CDK14: variants seen among roughly 807,000 people sequenced by gnomAD.
CDK14 encodes the protein cyclin dependent kinase 14.
A neutral mutation model predicts 60.7 loss-of-function variants in CDK14; 34 were observed. That is an observed-to-expected ratio of 0.56 (90% CI 0.43 to 0.75). CDK14 has a LOEUF of 0.75. Among genes scored for constraint, CDK14 ranks in the 30% least tolerant of loss-of-function variants. The probability of loss-of-function intolerance (pLI) is 0.00; values close to 1 mark genes in which losing one functional copy is unlikely to be tolerated. For missense variants in CDK14, 482 were observed against 564.1 expected (o/e 0.85, Z 1.47); for synonymous variants, 197 against 203.7 (o/e 0.97, Z 0.28).
Position 90,649,313 on chromosome 7 carries a change from C to CTTTCTTTCT in CDK14, c.123+45066_123+45067insTCTTTCTTT, listed in dbSNP as rs1563029806. Among the ~76,000 whole-genome samples, 3 of 35,632 alleles carry CTTTCTTTCT rather than the reference C, an allele frequency of 8.4e-5. 1 individual carries two copies. The highest frequency in any genetic ancestry group is 2.7e-4 in the African/African-American group (2 of 7,526). 23.4% of individuals were successfully genotyped at this position (35,632 alleles called of 152,430 possible). A position where few individuals can be genotyped will look rare whatever the true frequency, so the allele number is the denominator to read the frequency against. ...CTTTCTTTCTTTCTTTCTTTCTTTC[C>CTTTCTTTCT]TTCCTTCCTTCCTTCCTTCCTTCCT... On this transcript the variant is annotated intron_variant, in intron 2 of 14. Transcript: ENST00000380050.
intron 5 of CDK14, among the ~76,000 whole-genome samples, chr7:90,804,080 A>G (rs1460768668): frequency 6.6e-6 from 1 of 152,224 alleles, no homozygotes; most frequent in African/African-American, 2.4e-5. Flanking sequence ...AGAAACCCAT[A>G]TGATGAAAAT....
chr7:90,980,508 GA>G, intron 9 of CDK14, among the ~76,000 whole-genome samples: 1 of 152,188 alleles, frequency 6.6e-6, no homozygotes, highest in South Asian at 2.1e-4. Context: ...GAGGTGGGGG[GA>G]AAGCAGACAC....
intron 8 of CDK14, among the ~76,000 whole-genome samples, chr7:90,938,778 T>C (rs1252363126): frequency 6.6e-6 from 1 of 152,206 alleles, no homozygotes; most frequent in East Asian, 1.9e-4. Context: ...GGATATCTTT[T>C]AAAAATTCCA....
chr7:91,097,614 ATATAGCC>A (rs1799033411), intron 12 of CDK14, among the ~76,000 whole-genome samples: 1 of 152,146 alleles, frequency 6.6e-6, no homozygotes, highest in African/African-American at 2.4e-5. Flanking sequence ...CAAGCTATAA[ATATAGCC>A]TATAGATGGA....
intron 4 of CDK14, among the ~76,000 whole-genome samples, chr7:90,757,204 C>T (rs985655557): frequency 3.3e-5 from 4 of 122,006 alleles, no homozygotes; most frequent in Middle Eastern, 4.0e-3. Context: ...ACATGGCATT[C>T]TTCCAGTGTG....
intron 2 of CDK14, among the ~76,000 whole-genome samples, chr7:90,630,888 ATGTGTGTGTGTG>A (rs55859300): frequency 1.3e-5 from 2 of 148,364 alleles, no homozygotes; most frequent in Non-Finnish European, 3.0e-5. Context: ...TGGGGTGTGT[ATGTGTGTGTGTG>A]TGTGTGTGTG....
At chr7:90,886,762 A>G (rs1351059451) in intron 6 of CDK14, among the ~76,000 whole-genome samples, 1 of 152,218 alleles carries the variant, frequency 6.6e-6, no homozygotes, top group African/African-American at 2.4e-5. Context: ...CAAATATATC[A>G]GGGTCCTGAG....
chr7:90,924,968 A>C (rs1048277894), intron 8 of CDK14, among the ~76,000 whole-genome samples: 7 of 152,206 alleles, frequency 4.6e-5, no homozygotes, highest in African/African-American at 1.7e-4. Flanking sequence ...AAAGCACTGG[A>C]AAATTAAAAA....
chr7:90,705,390 T>C (rs1801875532), intron 2 of CDK14, among the ~76,000 whole-genome samples: 1 of 152,078 alleles, frequency 6.6e-6, no homozygotes, highest in East Asian at 1.9e-4. Flanking sequence ...ATCCCTTTCT[T>C]CAGTTCTTTT....
At chr7:90,728,211 G>T (rs527324599) in intron 3 of CDK14, among the ~76,000 whole-genome samples, 44 of 151,804 alleles carry the variant, frequency 2.9e-4, no homozygotes, top group African/African-American at 9.4e-4. Flanking sequence ...TTCATCCCTG[G>T]TGTCATCCTT....
intron 6 of CDK14, among the ~76,000 whole-genome samples, chr7:90,872,324 G>A (rs1791394983): frequency 6.6e-6 from 1 of 152,176 alleles, no homozygotes; most frequent in African/African-American, 2.4e-5. Flanking sequence ...GTATAATACT[G>A]TGATTCTATA....
At chr7:91,154,819 A>G (rs1800936826) in intron 14 of CDK14, among the ~76,000 whole-genome samples, 1 of 152,224 alleles carries the variant, frequency 6.6e-6, no homozygotes, top group East Asian at 1.9e-4. Flanking sequence ...AATTAATGAG[A>G]AGAAAGATAC....
At chr7:90,672,710 G>A (rs1282138444) in intron 2 of CDK14, among the ~76,000 whole-genome samples, 1 of 151,624 alleles carries the variant, frequency 6.6e-6, no homozygotes, top group Non-Finnish European at 1.5e-5. Flanking sequence ...GTTTTGTAGA[G>A]ATGGGGTCTC....
intron 14 of CDK14, among the ~76,000 whole-genome samples, chr7:91,167,565 C>T (rs1801383760): frequency 6.6e-6 from 1 of 152,182 alleles, no homozygotes. Context: ...GAGCCAGTCT[C>T]AGTGCGCATG....
intron 14 of CDK14, among the ~76,000 whole-genome samples, chr7:91,151,507 G>T (rs1252164459): frequency 6.6e-6 from 1 of 152,112 alleles, no homozygotes; most frequent in Non-Finnish European, 1.5e-5. Context: ...TTATGATGGG[G>T]TTTCATTTAA....
At chr7:90,964,724 A>G (rs1053378821) in intron 9 of CDK14, among the ~76,000 whole-genome samples, 2 of 152,184 alleles carry the variant, frequency 1.3e-5, no homozygotes, top group Admixed American at 6.5e-5. Flanking sequence ...GACACTATCT[A>G]CTAAGTAGGT....
chr7:91,179,040 A>T (rs1801890165), intron 14 of CDK14, among the ~76,000 whole-genome samples: 3 of 152,214 alleles, frequency 2.0e-5, no homozygotes. Flanking sequence ...CACAATAGCA[A>T]AGACTTGGAA....
intron 5 of CDK14, among the ~76,000 whole-genome samples, chr7:90,837,645 A>G (rs915326086): frequency 6.6e-6 from 1 of 152,124 alleles, no homozygotes; most frequent in Non-Finnish European, 1.5e-5. Context: ...GGGCCTAGAG[A>G]AGCCTGGCCA....
At chr7:90,854,297 T>G (rs938342735) in intron 5 of CDK14, among the ~76,000 whole-genome samples, 2 of 152,130 alleles carry the variant, frequency 1.3e-5, no homozygotes. Flanking sequence ...AAGAATCACT[T>G]GAGTGCGGGA....
Sources: gnomAD v4.1 joint callset for allele counts (sites outside exome capture counted in the v4.1 genomes callset) on GRCh38, gnomAD v4.1.1 for gene constraint, MANE v1.5 for transcripts, NCBI Gene and HGNC (gene_info 2026-07-23, HGNC 2026-07-21) for gene names.